Variants in CAND1 observed in about 807,000 individuals in gnomAD.
The protein encoded by CAND1 is cullin-associated NEDD8-dissociated protein 1.
A neutral mutation model predicts 108.5 loss-of-function variants in CAND1; 7 were observed. That is an observed-to-expected ratio of 0.06 (90% CI 0.04 to 0.12). The LOEUF is 0.12. Among genes scored for constraint, CAND1 ranks in the 10% least tolerant of loss-of-function variants. The probability of loss-of-function intolerance (pLI) is 1.00; values close to 1 mark genes in which losing one functional copy is unlikely to be tolerated. For synonymous variants in CAND1, 534 were observed against 512.0 expected (o/e 1.04, Z -0.58); for missense variants, 941 against 1,448.7 (o/e 0.65, Z 5.69).
At position 67,318,750 on chromosome 12, in the gene CAND1, A is replaced by G. The variant is rs1344012746; in HGVS notation, c.*5920A>G. 6.6e-6 allele frequency: 1 copy of G among 152,208 alleles called. No homozygotes were observed. Among genetic ancestry groups the G allele is most frequent in the Non-Finnish European group, 1.5e-5 (1 of 68,052 alleles). 9.4% of individuals were successfully genotyped at this position (152,208 alleles called of 1,614,324 possible). ...AAAAGCTGTTGAGACTGTACTTGATATGAAGAAGCTTGCTGATTATCATGG... is the reference window on the plus strand; with the variant it reads ...AAAAGCTGTTGAGACTGTACTTGATGTGAAGAAGCTTGCTGATTATCATGG... On this transcript the variant is annotated 3_prime_UTR_variant, in exon 15 of 15. Transcript: ENST00000545606.
Position 67,305,459 on chromosome 12 carries a change from T to G in CAND1, c.1791T>G (p.Ile597Met). The stretch of plus-strand genomic sequence containing the variant: ...CTATTTCCTGTATGGGACAAATTAT[T>G]TGCAACCTTGGAGACAATTTGGGTT... ...ERAISCMGQI[I>M]CNLGDNLGSD... Residue 597 changes from isoleucine (I) to methionine (M), a missense_variant, in exon 10 of 15, where the codon ATT (isoleucine) becomes ATG (methionine). This residue lies in a region of CAND1 where 697 missense variants were observed against 942.0 expected (regional missense o/e 0.74). Coordinates refer to ENST00000545606, the MANE Select transcript of CAND1 (RefSeq NM_018448.5). The surrounding 1 kb of genome is among the most constrained non-coding windows in gnomAD (Gnocchi z 4.4). 1 of 1,613,700 alleles carries G rather than the reference T, an allele frequency of 6.2e-7. No individual in the cohort carries two copies. Among genetic ancestry groups the G allele is most frequent in the South Asian group, 1.1e-5 (1 of 91,076 alleles).
intron 1 of CAND1, chr12:67,270,020 C>T (rs2044504173): frequency 2.0e-6 from 1 of 498,710 alleles, no homozygotes. Context: ...GGTCTCTAGG[C>T]CCCGTTTGCT....
At position 67,317,904 on chromosome 12, in the gene CAND1, A is replaced by C. The variant is rs1453662200; in HGVS notation, c.*5074A>C. ...CAGCATATCTAAAGCTGAAGTCATC[A>C]TCTTGCCCTGGTTTTTCCTGTCTCT... is the stretch of plus-strand genomic sequence containing the variant. On this transcript the variant is annotated 3_prime_UTR_variant, in exon 15 of 15. Transcript: ENST00000545606. 2.0e-5 allele frequency: 3 copies of C among 152,412 alleles called. No individual in the cohort carries two copies. Among genetic ancestry groups the C allele is most frequent in the Non-Finnish European group, 4.4e-5 (3 of 68,096 alleles). The allele number at this position is 152,412 out of a possible 1,614,324, so 9.4% of individuals were successfully genotyped here. A position where few individuals can be genotyped will look rare whatever the true frequency, so the allele number is the denominator to read the frequency against.
chr12:67,285,222 T>C (rs1440289783), intron 2 of CAND1, among the ~76,000 whole-genome samples: 1 of 152,208 alleles, frequency 6.6e-6, no homozygotes, highest in Non-Finnish European at 1.5e-5. Context: ...GATTACAGTT[T>C]TCTGTTGTTC....
chr12:67,317,536 G>A lies in CAND1; in HGVS notation c.*4706G>A, dbSNP rs1024838612. The A allele has an allele frequency of 7.5e-6, 1 of 132,966 alleles. No homozygotes were observed. Among genetic ancestry groups the A allele is most frequent in the Non-Finnish European group, 1.5e-5 (1 of 65,626 alleles). 8.2% of individuals were successfully genotyped at this position (132,966 alleles called of 1,614,324 possible). ...CTTGCTTTGTCTCCCAGGCTGGAGT[G>A]CAGTGGCGCAATATCGGCTCACTGC... On this transcript the variant is annotated 3_prime_UTR_variant, in exon 15 of 15. Coordinates refer to ENST00000545606, the MANE Select transcript of CAND1 (RefSeq NM_018448.5).
At chr12:67,292,165 C>A (rs1246150678) in intron 2 of CAND1, among the ~76,000 whole-genome samples, 1 of 152,060 alleles carries the variant, frequency 6.6e-6, no homozygotes, top group Non-Finnish European at 1.5e-5. Context: ...CTGCATCCGG[C>A]CTTACCTTAT....
rs2044832825 is a variant in CAND1, at chr12:67,302,305, A to G, written c.1001-18A>G. 2 of 1,600,788 alleles carry G rather than the reference A, an allele frequency of 1.2e-6. No individual in the cohort carries two copies. Among genetic ancestry groups the G allele is most frequent in the Non-Finnish European group, 1.7e-6 (2 of 1,172,216 alleles). On this transcript the variant is annotated intron_variant, in intron 7 of 14. Transcript: ENST00000545606. The stretch of plus-strand genomic sequence containing the variant: ...CTCTTGTCATTAATAGCCTGTTTAC[A>G]TTAAAACTTACCCTTAGGGAGTGAT...
rs1047028047 is a variant in CAND1 at position 67,305,559 on chromosome 12, G to T, written c.1891G>T (p.Ala631Ser). 2 of 1,613,970 alleles carry T rather than the reference G, an allele frequency of 1.2e-6. No homozygotes were observed. Among genetic ancestry groups the T allele is most frequent in the South Asian group, 1.1e-5 (1 of 91,082 alleles). The change falls in exon 10 of 15, where the codon GCA becomes TCA. Residue 631 changes from alanine to serine, a missense_variant. Physicochemically the swap from Ala to Ser is moderately conservative, Grantham distance 99. Transcript: ENST00000545606. This position sits in a 1 kb window ranked among gnomAD's most constrained non-coding sequence, Gnocchi z 4.4. ...AATTACCAGGTTAACTACAGTAAAG[G>T]CATTGACACTGATTGCTGGGTCACC... is the stretch of plus-strand genomic sequence containing the variant. ...NEITRLTTVK[A>S]LTLIAGSPLK...
chr12:67,302,951 G>A (rs372479299), intron 8 of CAND1, among the ~76,000 whole-genome samples: 1 of 152,064 alleles, frequency 6.6e-6, no homozygotes, highest in Non-Finnish European at 1.5e-5. Flanking sequence ...GTGATCTTGG[G>A]CAAGTTATTT....
intron 4 of CAND1, among the ~76,000 whole-genome samples, chr12:67,296,696 A>C (rs1355898077): frequency 6.6e-6 from 1 of 152,184 alleles, no homozygotes; most frequent in Non-Finnish European, 1.5e-5. Flanking sequence ...GAGCCTCCCA[A>C]AGTGCTGGGA....
chr12:67,292,828 T>A, intron 3 of CAND1, 52 bp downstream of exon 3: 1 of 1,580,430 alleles, frequency 6.3e-7, no homozygotes, highest in South Asian at 1.1e-5. Flanking sequence ...GAGGTATTTC[T>A]CCCCACCCTT....
intron 8 of CAND1, among the ~76,000 whole-genome samples, chr12:67,303,063 G>A (rs2044841949): frequency 1.3e-5 from 2 of 152,200 alleles, no homozygotes; most frequent in South Asian, 4.1e-4. Context: ...AGAGCATTCA[G>A]TGTAGTGCCT....
rs1279207280 is a variant in CAND1 at position 67,304,716 on chromosome 12, C to T, written c.1405C>T (p.Leu469=). Residue 469 remains leucine, a synonymous_variant, in exon 9 of 15, where the codon CTA becomes TTA. Transcript: ENST00000545606. ...GCTGGTAAATGTATTACCTGGGGCC[C>T]TAACTCAACACATTCCTGTACTTGT... ...TELVNVLPGA[L]TQHIPVLVPG... is the part of the protein sequence containing the mutation. 1.9e-6 allele frequency: 3 copies of T among 1,613,866 alleles called. No individual in the cohort carries two copies. Among genetic ancestry groups the T allele is most frequent in the Non-Finnish European group, 2.5e-6 (3 of 1,179,916 alleles).
chr12:67,298,858 A>C, intron 6 of CAND1, 92 bp from the exon 7 acceptor site: 1 of 728,998 alleles, frequency 1.4e-6, no homozygotes, highest in Non-Finnish European at 2.5e-6. Flanking sequence ...CTACTGTCCT[A>C]TGTTATTGCT....
intron 2 of CAND1, chr12:67,282,254 G>T: frequency 2.3e-6 from 1 of 443,278 alleles, no homozygotes; most frequent in Non-Finnish European, 3.9e-6. Flanking sequence ...GTTACTAAAT[G>T]GTATTTTCTT....
chr12:67,319,754 A>G lies in CAND1; in HGVS notation c.*6924A>G, dbSNP rs2045042071. ...AGCTTGGAGTCACTTGTCTGGACTA[A>G]AAGTAACCCCTCCTTGTCTGGTTTG... On this transcript the variant is annotated 3_prime_UTR_variant, in exon 15 of 15. Coordinates refer to ENST00000545606, the MANE Select transcript of CAND1 (RefSeq NM_018448.5). 6.6e-6 allele frequency: 1 copy of G among 152,216 alleles called. No individual in the cohort carries two copies. Among genetic ancestry groups the G allele is most frequent in the African/African-American group, 2.4e-5 (1 of 41,448 alleles). The allele number at this position is 152,216 out of a possible 1,614,324, so 9.4% of individuals were successfully genotyped here.
At chr12:67,302,830 T>G in intron 8 of CAND1, among the ~76,000 whole-genome samples, 1 of 152,344 alleles carries the variant, frequency 6.6e-6, no homozygotes, top group South Asian at 2.1e-4. Flanking sequence ...TTTAAATAAT[T>G]TTAAGATTCA....
chr12:67,291,638 A>G (rs2044723108), intron 2 of CAND1, among the ~76,000 whole-genome samples: 1 of 152,208 alleles, frequency 6.6e-6, no homozygotes. Context: ...GTAATTTTAT[A>G]TGATATTTTT....
At chr12:67,299,662 A>T (rs958702695) in intron 7 of CAND1, among the ~76,000 whole-genome samples, 6 of 152,120 alleles carry the variant, frequency 3.9e-5, no homozygotes, top group Non-Finnish European at 8.8e-5. Flanking sequence ...ATAGCTTACA[A>T]CATTTCTGAG....
Sources: gnomAD v4.1 joint callset for allele counts (sites outside exome capture counted in the v4.1 genomes callset) on GRCh38, gnomAD v4.1.1 for gene constraint, gnomAD v4.1.1 regional missense constraint, Gnocchi (gnomAD v3.1) non-coding constraint, MANE v1.5 for transcripts, NCBI Gene and HGNC (gene_info 2026-07-23, HGNC 2026-07-21) for gene names.